PWP1: variants seen among roughly 807,000 people sequenced by gnomAD.
PWP1 encodes PWP1 homolog, endonuclein, also known as periodic tryptophan protein 1 homolog.
In PWP1, 47 loss-of-function variants were observed where a neutral mutation model predicts 69.9. The ratio of observed to expected loss-of-function variants is 0.67; its 90% CI spans 0.53 to 0.86. The LOEUF is 0.86. PWP1 is among the 40% of genes least tolerant of loss of function. The probability of loss-of-function intolerance (pLI) is 0.00; values close to 1 mark genes in which losing one functional copy is unlikely to be tolerated. For synonymous variants in PWP1, 222 were observed against 208.2 expected, an observed-to-expected ratio of 1.07 and a Z score of -0.57; for missense variants, 551 against 608.8, an observed-to-expected ratio of 0.91 and a Z score of 1.00.
chr12:107,690,505 C>T (rs572372649), intron 3 of PWP1, among the ~76,000 whole-genome samples: 64 of 152,166 alleles, frequency 4.2e-4, no homozygotes, highest in African/African-American at 1.5e-3. Context: ...GCTCTGTTGC[C>T]CAGGCTAGAG....
In PWP1 at chr12:107,704,720, G is replaced by C; in HGVS notation, c.1050G>C (p.Trp350Cys). 8.1e-6 allele frequency: 13 copies of C among 1,613,866 alleles called. No homozygotes were observed. The highest frequency in any genetic ancestry group is 9.3e-6 in the Non-Finnish European group (11 of 1,179,812). Reference protein sequence around the residue: ...RFSGQIERVTWNHFSPCHFLA... With the variant: ...RFSGQIERVTCNHFSPCHFLA... ...GTGGGCAGATAGAGAGAGTGACTTG[G>C]AATCACTTTTCACCTTGTCATTTCT... Residue 350 changes from tryptophan (W) to cysteine (C), a missense_variant, in exon 11 of 15, where the codon TGG (tryptophan) becomes TGC (cysteine). Coordinates refer to ENST00000412830, the MANE Select transcript of PWP1 (RefSeq NM_007062.3).
At chr12:107,699,214 G>A (rs907412358) in intron 7 of PWP1, among the ~76,000 whole-genome samples, 159 bp from the exon 8 acceptor site, 1 of 152,158 alleles carries the variant, frequency 6.6e-6, no homozygotes, top group Admixed American at 6.5e-5. Flanking sequence ...AGCTGAGATC[G>A]TGCAACTGCA....
intron 5 of PWP1, 100 bp from the exon 6 acceptor site, chr12:107,696,374 A>G (rs1245255285): frequency 1.2e-5 from 18 of 1,476,330 alleles, no homozygotes; most frequent in East Asian, 4.8e-5. Context: ...TTTAAAGCAC[A>G]TGGCTCACGT....
At chr12:107,701,550 T>C (rs1186748371) in intron 8 of PWP1, among the ~76,000 whole-genome samples, 1 of 152,232 alleles carries the variant, frequency 6.6e-6, no homozygotes, top group African/African-American at 2.4e-5. Flanking sequence ...TGTTTTCTTC[T>C]GAGTTTTATA....
rs61728433 is a variant in PWP1 at position 107,686,969 on chromosome 12, CAAAAAAAAAAAA to C, written c.72+1018_72+1029del. Among the ~76,000 whole-genome samples, 86 of 106,872 alleles carry C rather than the reference CAAAAAAAAAAAA, an allele frequency of 8.0e-4. 1 individual carries two copies. The highest frequency in any genetic ancestry group is 3.0e-3 in the African/African-American group (81 of 27,410). 70.1% of individuals were successfully genotyped at this position (106,872 alleles called of 152,430 possible). The stretch of plus-strand genomic sequence containing the variant: ...CGGGCAACAGAGTGAGACTCCGTCT[CAAAAAAAAAAAA>C]AAAAAAAAAAAAAAAAAAATAGAAA... On this transcript the variant is annotated intron_variant, in intron 1 of 14. Transcript: ENST00000412830.
At chr12:107,711,016 G>A (rs1332145084) in intron 14 of PWP1, among the ~76,000 whole-genome samples, 1 of 152,122 alleles carries the variant, frequency 6.6e-6, no homozygotes, top group East Asian at 1.9e-4. Context: ...GGGAAATCAG[G>A]GGTCTCACAG....
chr12:107,695,947 GTTCA>G (rs2136275987), intron 5 of PWP1, among the ~76,000 whole-genome samples: 1 of 149,788 alleles, frequency 6.7e-6, no homozygotes, highest in East Asian at 2.0e-4. Flanking sequence ...AGATGTCAGT[GTTCA>G]TTTTCTCCTG....
intron 11 of PWP1, among the ~76,000 whole-genome samples, chr12:107,707,074 G>A (rs1009723872): frequency 6.0e-5 from 9 of 151,158 alleles, no homozygotes; most frequent in East Asian, 1.9e-4. Context: ...CTTTTATTTC[G>A]TTGAGCAGTG....
intron 14 of PWP1, among the ~76,000 whole-genome samples, chr12:107,711,156 G>A (rs543261132): frequency 6.6e-5 from 10 of 152,270 alleles, no homozygotes; most frequent in Middle Eastern, 3.4e-3. Flanking sequence ...GGGATAGGCC[G>A]GATTAAAGGA....
chr12:107,706,929 C>T (rs1889835877), intron 11 of PWP1, among the ~76,000 whole-genome samples: 1 of 152,186 alleles, frequency 6.6e-6, no homozygotes, highest in East Asian at 1.9e-4. Flanking sequence ...GTTTCCAATT[C>T]TGTGAAGAAA....
At chr12:107,712,012 A>ATAAAG (rs1230230136) in intron 14 of PWP1, 99 bp from the exon 15 acceptor site, 5 of 899,962 alleles carry the variant, frequency 5.6e-6, no homozygotes, top group Admixed American at 2.1e-5. Context: ...TTTACCATTT[A>ATAAAG]TAAAGTACTA....
intron 8 of PWP1, among the ~76,000 whole-genome samples, chr12:107,700,897 T>TCC (rs36074047): frequency 2.6e-4 from 39 of 151,800 alleles, no homozygotes; most frequent in Non-Finnish European, 4.9e-4. Flanking sequence ...AATTTGCATT[T>TCC]CCCCCCCTTT....
At chr12:107,698,222 C>T (rs1889631082) in intron 7 of PWP1, among the ~76,000 whole-genome samples, 1 of 152,146 alleles carries the variant, frequency 6.6e-6, no homozygotes, top group African/African-American at 2.4e-5. Flanking sequence ...ATTAGCCAGG[C>T]ATGTTGGTGT....
At chr12:107,700,898 C>CT (rs1303324007) in intron 8 of PWP1, among the ~76,000 whole-genome samples, 2 of 76,788 alleles carry the variant, frequency 2.6e-5, no homozygotes, top group Non-Finnish European at 8.5e-5. Context: ...ATTTGCATTT[C>CT]CCCCCCTTTT....
intron 3 of PWP1, among the ~76,000 whole-genome samples, chr12:107,690,940 A>G (rs1382528985): frequency 6.6e-6 from 1 of 152,144 alleles, no homozygotes; most frequent in Non-Finnish European, 1.5e-5. Flanking sequence ...TGTGGAAAGA[A>G]TAGGACATGA....
intron 11 of PWP1, among the ~76,000 whole-genome samples, chr12:107,705,458 T>C (rs1170488114): frequency 7.2e-5 from 11 of 151,730 alleles, no homozygotes; most frequent in Admixed American, 7.2e-4. Flanking sequence ...GCGATGTTGG[T>C]GTGCTGCACC....
chr12:107,697,343 G>A, intron 6 of PWP1, 124 bp from the exon 7 acceptor site: 1 of 906,250 alleles, frequency 1.1e-6, no homozygotes, highest in Non-Finnish European at 1.6e-6. Context: ...TGCCGCATAT[G>A]CATATAAGTT....
At chr12:107,711,809 A>G (rs1889958014) in intron 14 of PWP1, among the ~76,000 whole-genome samples, 1 of 152,214 alleles carries the variant, frequency 6.6e-6, no homozygotes, top group African/African-American at 2.4e-5. Flanking sequence ...AAAGAAAAAA[A>G]TAGGAAGCAA....
chr12:107,697,424 G>A, intron 6 of PWP1, 43 bp from the exon 7 acceptor site: 1 of 1,528,258 alleles, frequency 6.5e-7, no homozygotes, highest in Non-Finnish European at 8.8e-7. Flanking sequence ...AGTTCTGTAT[G>A]TCTTTTTTTG....
Sources: allele counts gnomAD v4.1 joint callset (sites outside exome capture counted in the v4.1 genomes callset), GRCh38; gene constraint gnomAD v4.1.1; transcripts MANE v1.5; gene names NCBI Gene and HGNC (gene_info 2026-07-23, HGNC 2026-07-21).